The following PLSCR5 variants were observed in gnomAD, a reference collection of about 807,000 sequenced individuals.
The protein encoded by PLSCR5 is phospholipid scramblase family member 5, also known as phospholipid scramblase family, member 5.
In PLSCR5, 44 loss-of-function variants were observed where a neutral mutation model predicts 33.6. That is an observed-to-expected ratio of 1.31 (90% CI 1.03 to 1.69). The LOEUF (loss-of-function observed/expected upper bound fraction) is 1.69, where lower values mean the gene tolerates loss of function less well. Ranked by LOEUF, PLSCR5 falls within the 40% of genes most tolerant of loss-of-function variation. The pLI is 0.00. For missense variants in PLSCR5, 375 were observed against 318.7 expected, an observed-to-expected ratio of 1.18 and a Z score of -1.34; for synonymous variants, 148 against 112.3, an observed-to-expected ratio of 1.32 and a Z score of -2.01.
rs66481203 is a variant in PLSCR5 at position 146,585,876 on chromosome 3, AT to A, written c.*110del. 127,279 of 441,028 alleles carry A rather than the reference AT, an allele frequency of 0.29. 19,378 individuals carry two copies. The highest frequency in any genetic ancestry group is 0.31 in the South Asian group (7,870 of 25,394). The allele number at this position is 441,028 out of a possible 1,614,324, so 27.3% of individuals were successfully genotyped here. A position where few individuals can be genotyped will look rare whatever the true frequency, so the allele number is the denominator to read the frequency against. Reference sequence around the variant, plus strand: ...TGTTTTAATAAATATAATAATTAACATTTTTTTTTAACAAAAAAGCAAACAT... The same window carrying A: ...TGTTTTAATAAATATAATAATTAACATTTTTTTTAACAAAAAAGCAAACAT... On this transcript the variant is annotated 3_prime_UTR_variant, in exon 8 of 8. Transcript: ENST00000443512.
chr3:146,591,827 C>T lies in PLSCR5; in HGVS notation c.508G>A (p.Asp170Asn). 3.1e-6 allele frequency: 5 copies of T among 1,612,308 alleles called. No homozygotes were observed. Among genetic ancestry groups the T allele is most frequent in the Non-Finnish European group, 4.2e-6 (5 of 1,178,934 alleles). Residue 170 changes from aspartate (D) to asparagine (N), a missense_variant, in exon 5 of 8, where the codon GAC becomes AAC. By Grantham distance (23) the Asp-to-Asn change is conservative. Coordinates refer to ENST00000443512, the MANE Select transcript of PLSCR5 (RefSeq NM_001085420.2). Reference protein sequence around the residue: ...TIVGYVTQKWDPFLPKFTIQN... With the variant: ...TIVGYVTQKWNPFLPKFTIQN... ...ATTGTGAATTTAGGCAGAAAGGGGT[C>T]CCACTTCTGCGTAACGTAACCAACT...
At chr3:146,581,138 C>T (rs538858244), downstream of PLSCR5, among the ~76,000 whole-genome samples, 15 of 152,164 alleles carry the variant, frequency 9.9e-5, no homozygotes, top group Non-Finnish European at 2.1e-4. Flanking sequence ...GTCAGCCAGT[C>T]AGTGAACATA....
rs759900041 is a variant in PLSCR5, at chr3:146,593,971, C to A, written c.402G>T (p.Val134=). 6.2e-7 allele frequency: 1 copy of A among 1,613,830 alleles called. No individual in the cohort carries two copies. Among genetic ancestry groups the A allele is most frequent in the South Asian group, 1.1e-5 (1 of 91,068 alleles). Residue 134 remains valine (V), a synonymous_variant, in exon 4 of 8, where the codon GTG becomes GTT. Transcript: ENST00000443512. ...TDNSGREVIT[V]NRPLRCNSCW... ...AGCTGTTACATCTCAAGGGCCTGTT[C>A]ACTGTAATGACCTCTCGACCTGAGT...
intron 6 of PLSCR5, among the ~76,000 whole-genome samples, chr3:146,588,206 C>T (rs1048679981): frequency 2.6e-5 from 4 of 152,116 alleles, no homozygotes; most frequent in African/African-American, 9.7e-5. Context: ...CAAGGTGGCT[C>T]ACACCTATAA....
At chr3:146,578,024 T>G (rs2044609687) in intron 7 of PLSCR5, among the ~76,000 whole-genome samples, 1 of 152,114 alleles carries the variant, frequency 6.6e-6, no homozygotes, top group African/African-American at 2.4e-5. Context: ...ATGGTATAGT[T>G]TAAAACATTC....
chr3:146,580,454 CTTTTTTTTTT>C (rs1170556618), intron 7 of PLSCR5, among the ~76,000 whole-genome samples: 10 of 60,556 alleles, frequency 1.7e-4, no homozygotes, highest in East Asian at 1.4e-3. Flanking sequence ...TTTGAATTTG[CTTTTTTTTTT>C]TTTTTTTTTT....
chr3:146,594,919 T>A (rs1024345912), intron 3 of PLSCR5, 122 bp downstream of exon 3: 1 of 491,406 alleles, frequency 2.0e-6, no homozygotes, highest in African/African-American at 2.0e-5. Context: ...CTCTTTTTGA[T>A]CTAATTCTAT....
downstream of PLSCR5, among the ~76,000 whole-genome samples, chr3:146,585,392 A>G (rs2044659276): frequency 6.6e-6 from 1 of 152,060 alleles, no homozygotes. Flanking sequence ...AGGTATTTAA[A>G]GCATGCTTTG....
chr3:146,576,774 C>T (rs1192511001), intron 7 of PLSCR5: 1 of 148,548 alleles, frequency 6.7e-6, no homozygotes, highest in Non-Finnish European at 1.5e-5. Context: ...AGATAATAGG[C>T]TAGAGATCTA....
At chr3:146,579,321 T>C (rs1195408463) in intron 7 of PLSCR5, among the ~76,000 whole-genome samples, 3 of 152,160 alleles carry the variant, frequency 2.0e-5, no homozygotes, top group Non-Finnish European at 4.4e-5. Context: ...TCATTTCCCC[T>C]TATTTTAGCA....
intron 2 of PLSCR5, among the ~76,000 whole-genome samples, chr3:146,599,208 A>G (rs1167676180): frequency 2.6e-5 from 4 of 152,236 alleles, no homozygotes; most frequent in Non-Finnish European, 5.9e-5. Flanking sequence ...TTGATTTATT[A>G]TAAGGCTTGA....
At chr3:146,602,040 G>T (rs557176185) in intron 1 of PLSCR5, among the ~76,000 whole-genome samples, 3 of 152,016 alleles carry the variant, frequency 2.0e-5, no homozygotes, top group Non-Finnish European at 4.4e-5. Context: ...ATGCTTTATG[G>T]TTAGGACCAA....
chr3:146,585,991 CA>C lies in PLSCR5; in HGVS notation c.*44+38del, dbSNP rs2107848029. 3 of 1,350,912 alleles carry C rather than the reference CA, an allele frequency of 2.2e-6. 1 individual carries two copies. In the South Asian group the frequency reaches 4.4e-5, roughly 20 times the overall value. The allele number at this position is 1,350,912 out of a possible 1,614,324, so 83.7% of individuals were successfully genotyped here. On this transcript the variant is annotated intron_variant, in intron 7 of 7. Transcript: ENST00000443512. ...AGATAGCGTCAAATATAGACATCTT[CA>C]AAGGGAAAGAGATCATTTAAACTTG...
chr3:146,588,287 A>G (rs2044681210), intron 6 of PLSCR5, among the ~76,000 whole-genome samples: 1 of 151,932 alleles, frequency 6.6e-6, no homozygotes, highest in Non-Finnish European at 1.5e-5. Context: ...TGGCTAACAC[A>G]GTGAAACCCC....
intron 7 of PLSCR5, among the ~76,000 whole-genome samples, chr3:146,578,806 T>G (rs983166667): frequency 6.6e-6 from 1 of 152,108 alleles, no homozygotes; most frequent in African/African-American, 2.4e-5. Flanking sequence ...TCTCTTATAG[T>G]TCCATTGTAA....
At chr3:146,590,883 G>A (rs1234709945) in intron 5 of PLSCR5, among the ~76,000 whole-genome samples, 1 of 151,820 alleles carries the variant, frequency 6.6e-6, no homozygotes, top group Non-Finnish European at 1.5e-5. Context: ...CTCTACCTAA[G>A]TTGTATGTCC....
intron 7 of PLSCR5, chr3:146,576,727 TA>T (rs1304697699): frequency 1.3e-5 from 2 of 148,886 alleles, no homozygotes; most frequent in Non-Finnish European, 3.0e-5. Flanking sequence ...TAAATAATTC[TA>T]AAAAATAAGA....
downstream of PLSCR5, among the ~76,000 whole-genome samples, chr3:146,584,668 T>C (rs2044654982): frequency 6.7e-6 from 1 of 148,728 alleles, no homozygotes; most frequent in African/African-American, 2.6e-5. Flanking sequence ...AAAAAGAAAC[T>C]GAAGAATACT....
chr3:146,602,122 C>T (rs56046201), intron 1 of PLSCR5, among the ~76,000 whole-genome samples: 13,928 of 151,990 alleles, frequency 0.092, 853 homozygotes, highest in Middle Eastern at 0.16. Flanking sequence ...GTTTGGTTTC[C>T]GCAAGTACCC....
Sources: allele counts gnomAD v4.1 joint callset (sites outside exome capture counted in the v4.1 genomes callset), GRCh38; gene constraint gnomAD v4.1.1; transcripts MANE v1.5; gene names NCBI Gene and HGNC (gene_info 2026-07-23, HGNC 2026-07-21).